Variants in SLFN12 observed in about 807,000 individuals in gnomAD.
SLFN12 encodes the protein ribonuclease SLFN12.
A neutral mutation model predicts 29.1 loss-of-function variants in SLFN12; 25 were observed. That is an observed-to-expected ratio of 0.86 (90% CI 0.63 to 1.20). SLFN12 has a LOEUF of 1.20. Among genes scored for constraint, SLFN12 ranks in the 50% most tolerant of loss-of-function variants. SLFN12 has a pLI of 0.00. For missense variants in SLFN12, 660 were observed against 666.2 expected (o/e 0.99, Z 0.10); for synonymous variants, 257 against 238.7 (o/e 1.08, Z -0.71).
rs151066031 is a variant in SLFN12 at position 35,411,485 on chromosome 17, C to G, written c.1590G>C (p.Leu530Phe). ...ESYYFTRRKY[L>F]LKALFKALKR... ...TTAAGGCTTTAAAAAGGGCTTTCAG[C>G]AAGTATTTCCTTCTTGTAAAATAGT... Residue 530 changes from leucine to phenylalanine, a missense_variant, in exon 4 of 4, where the codon TTG becomes TTC. Leu to Phe is a conservative substitution (Grantham distance 22). Coordinates refer to ENST00000304905, the MANE Select transcript of SLFN12 (RefSeq NM_018042.5). The G allele has an allele frequency of 5.5e-4, 894 of 1,614,000 alleles. 6 individuals carry two copies. In the African/African-American group the frequency reaches 0.01, roughly 18 times the overall value.
At chr17:35,420,249 T>C (rs1911543546) in intron 3 of SLFN12, 25 bp downstream of exon 3, 4 of 1,550,216 alleles carry the variant, frequency 2.6e-6, no homozygotes, top group Non-Finnish European at 2.7e-6. Flanking sequence ...CACTAACAAA[T>C]CCGAAGAAGC....
Position 35,413,434 on chromosome 17 carries a change from C to A in SLFN12, c.1148-1507G>T, listed in dbSNP as rs569069764. Among the ~76,000 whole-genome samples, 184 of 152,070 alleles carry A rather than the reference C, an allele frequency of 1.2e-3. No individual in the cohort carries two copies. The Middle Eastern group carries it at 0.034, about 28-fold the overall frequency. On this transcript the variant is annotated intron_variant, in intron 3 of 3. Transcript: ENST00000304905. ...AAATTCTCAACAAAATGCTAGCAAA[C>A]CAAATTCAACAGCACATTAAAAGGA...
At chr17:35,414,760 C>T (rs192647637) in intron 3 of SLFN12, among the ~76,000 whole-genome samples, 13 of 152,054 alleles carry the variant, frequency 8.5e-5, no homozygotes, top group East Asian at 3.9e-4. Flanking sequence ...TCAATCCCTC[C>T]GACAACAGCT....
In SLFN12 at chr17:35,422,157, C is replaced by T. The variant is rs1413919034; in HGVS notation, c.872G>A (p.Gly291Glu). The part of the protein sequence containing the change: ...KKINYSCKFL[G>E]VYDKGSLCGY... ...ACAAAGACTTCCTTTATCATATACT[C>T]CAAGGAATTTGCATGAATAATTTAT... Residue 291 changes from glycine to glutamate, a missense_variant, in exon 2 of 4, where the codon GGA becomes GAA. Transcript: ENST00000304905. The T allele has an allele frequency of 1.9e-6, 3 of 1,613,980 alleles. No homozygotes were observed. Among genetic ancestry groups the T allele is most frequent in the Non-Finnish European group, 2.5e-6 (3 of 1,179,982 alleles).
chr17:35,422,532 C>T lies in SLFN12; in HGVS notation c.497G>A (p.Arg166Lys), dbSNP rs749915790. ...LYLRPELLAK[R>K]PCVDIQEENN... ...TTCTTCTTGTATATCAACACAGGGC[C>T]TCTTTGCCAGCAATTCTGGTCTTAA... Residue 166 changes from arginine to lysine, a missense_variant, in exon 2 of 4, where the codon AGG (arginine) becomes AAG (lysine). By Grantham distance (26) the Arg-to-Lys change is conservative (BLOSUM62 2). Transcript: ENST00000304905. 4 of 1,613,924 alleles carry T rather than the reference C, an allele frequency of 2.5e-6. No homozygotes were observed. Among genetic ancestry groups the T allele is most frequent in the East Asian group, 2.2e-5 (1 of 44,842 alleles).
chr17:35,423,706 A>G (rs531515389), intron 1 of SLFN12, among the ~76,000 whole-genome samples: 2 of 152,244 alleles, frequency 1.3e-5, no homozygotes, highest in African/African-American at 4.8e-5. Context: ...CACCTGTGCT[A>G]TGGTTTGAAT....
intron 1 of SLFN12, among the ~76,000 whole-genome samples, chr17:35,424,138 CTT>C (rs1911864406): frequency 6.6e-6 from 1 of 152,102 alleles, no homozygotes; most frequent in African/African-American, 2.4e-5. Flanking sequence ...TAAATGGAAA[CTT>C]TTAAGTTAAG....
intron 2 of SLFN12, chr17:35,420,630 C>T (rs749477552): frequency 1.3e-5 from 4 of 315,744 alleles, no homozygotes; most frequent in Non-Finnish European, 2.3e-5. Flanking sequence ...TAATACATTA[C>T]CATATAATTG....
chr17:35,420,130 G>T, intron 3 of SLFN12, 144 bp downstream of exon 3: 1 of 612,460 alleles, frequency 1.6e-6, no homozygotes. Flanking sequence ...GGATTTGACA[G>T]ATTCAATGAC....
rs184602498 is a variant in SLFN12, at chr17:35,427,290, G to A, written c.-40-4222C>T. On this transcript the variant is annotated intron_variant, in intron 1 of 3. Coordinates refer to ENST00000304905, the MANE Select transcript of SLFN12 (RefSeq NM_018042.5). ...TAGTTGCAACAGATCTTTGTTGTTA[G>A]TTCAGCCAGTTTTGGGTTGCTTTTG... 5.6e-3 allele frequency among the ~76,000 whole-genome samples: 852 copies of A among 152,206 alleles called. 10 individuals carry two copies. The highest frequency in any genetic ancestry group is 0.034 in the South Asian group (164 of 4,830).
At position 35,412,571 on chromosome 17, in the gene SLFN12, T is replaced by TA. The variant is rs537011978; in HGVS notation, c.1148-645dup. 1.8e-3 allele frequency among the ~76,000 whole-genome samples: 280 copies of TA among 152,110 alleles called. 3 individuals carry two copies. Among genetic ancestry groups the TA allele is most frequent in the African/African-American group, 6.5e-3 (270 of 41,520 alleles). On this transcript the variant is annotated intron_variant, in intron 3 of 3. Coordinates refer to ENST00000304905, the MANE Select transcript of SLFN12 (RefSeq NM_018042.5). ...AAAAACTATTATACCTAGAAAAGGA[T>TA]AAAAAAACTTCAAAAGAATAAAAGC...
At chr17:35,432,708 A>G (rs1395171330), upstream of SLFN12, among the ~76,000 whole-genome samples, 1 of 152,084 alleles carries the variant, frequency 6.6e-6, no homozygotes, top group African/African-American at 2.4e-5. Context: ...AAGTTTGTGG[A>G]AAGTTGGGAT....
intron 3 of SLFN12, among the ~76,000 whole-genome samples, chr17:35,419,837 A>G (rs1489986209): frequency 1.1e-4 from 16 of 152,110 alleles, no homozygotes; most frequent in Admixed American, 1.0e-3. Context: ...TCAAGGTAAC[A>G]CTGTTCATGT....
chr17:35,424,150 GAAGTGTAACTTAAGTTTAACTTTTTTTT>G (rs1475729130), intron 1 of SLFN12, among the ~76,000 whole-genome samples: 2 of 152,132 alleles, frequency 1.3e-5, no homozygotes, highest in Non-Finnish European at 2.9e-5. Flanking sequence ...TTTAAGTTAA[GAAGTGTAACTTAAGTTTAACTTTTTTTT>G]AAGTGTAACT....
intron 1 of SLFN12, among the ~76,000 whole-genome samples, chr17:35,428,375 C>T (rs60644539): frequency 0.12 from 17,637 of 152,018 alleles, 1,340 homozygotes; most frequent in South Asian, 0.27. Context: ...GATTACAGAA[C>T]TTTGGCCTGT....
intron 3 of SLFN12, among the ~76,000 whole-genome samples, chr17:35,416,309 A>G (rs1911305754): frequency 6.6e-6 from 1 of 152,150 alleles, no homozygotes; most frequent in Non-Finnish European, 1.5e-5. Flanking sequence ...CCATGAGGAC[A>G]CAAAGACTAA....
At chr17:35,428,044 G>A (rs1171540211) in intron 1 of SLFN12, among the ~76,000 whole-genome samples, 1 of 152,072 alleles carries the variant, frequency 6.6e-6, no homozygotes, top group African/African-American at 2.4e-5. Flanking sequence ...GTCTGAATCT[G>A]TGGAAATAAA....
At chr17:35,425,928 A>G (rs1232181739) in intron 1 of SLFN12, among the ~76,000 whole-genome samples, 2 of 135,944 alleles carry the variant, frequency 1.5e-5, no homozygotes, top group African/African-American at 5.6e-5. Context: ...AATAGTGTGC[A>G]ATGGTTCTCT....
intron 1 of SLFN12, among the ~76,000 whole-genome samples, chr17:35,425,982 A>G (rs1475026252): frequency 6.7e-6 from 1 of 149,810 alleles, no homozygotes; most frequent in African/African-American, 2.5e-5. Flanking sequence ...TTTTTATAAT[A>G]GCCATTTTAA....
Sources: allele counts gnomAD v4.1 joint callset (sites outside exome capture counted in the v4.1 genomes callset), GRCh38; gene constraint gnomAD v4.1.1; transcripts MANE v1.5; gene names NCBI Gene and HGNC (gene_info 2026-07-23, HGNC 2026-07-21).